CACNB2: variants seen among roughly 807,000 people sequenced by gnomAD.
CACNB2 encodes calcium voltage-gated channel auxiliary subunit beta 2.
CACNB2 carries 42 observed loss-of-function variants against 73.3 expected under a neutral mutation model. The observed-to-expected ratio is 0.57, with a 90% confidence interval of 0.45 to 0.74. The LOEUF is 0.74. Ranked by LOEUF, CACNB2 falls within the 30% of genes least tolerant of loss-of-function variation. The probability of loss-of-function intolerance (pLI) is 0.00; values close to 1 mark genes in which losing one functional copy is unlikely to be tolerated. For missense variants in CACNB2, 940 were observed against 853.0 expected (o/e 1.10, Z -1.27); for synonymous variants, 348 against 310.3 (o/e 1.12, Z -1.28).
At chr10:18,321,186 A>G (rs1589036067) in intron 2 of CACNB2, among the ~76,000 whole-genome samples, 1 of 152,194 alleles carries the variant, frequency 6.6e-6, no homozygotes, top group East Asian at 1.9e-4. Flanking sequence ...ATTTTCTCAG[A>G]TAAGTGGGAA....
At chr10:18,335,296 A>C (rs565760255) in intron 2 of CACNB2, among the ~76,000 whole-genome samples, 1 of 152,224 alleles carries the variant, frequency 6.6e-6, no homozygotes, top group South Asian at 2.1e-4. Flanking sequence ...TCACTTTCAC[A>C]GGGTGTGATG....
At chr10:18,504,149 A>G (rs899442264) in intron 5 of CACNB2, among the ~76,000 whole-genome samples, 18 of 152,208 alleles carry the variant, frequency 1.2e-4, no homozygotes, top group Admixed American at 7.9e-4. Flanking sequence ...TGCCTAGGCT[A>G]ACATTAGTGC....
chr10:18,356,524 G>T (rs1345034990), intron 2 of CACNB2, among the ~76,000 whole-genome samples: 2 of 152,020 alleles, frequency 1.3e-5, no homozygotes, highest in Non-Finnish European at 2.9e-5. Flanking sequence ...TGACTACATT[G>T]CACAAAGGAG....
At chr10:18,441,028 A>T (rs2046384782) in intron 3 of CACNB2, among the ~76,000 whole-genome samples, 1 of 152,214 alleles carries the variant, frequency 6.6e-6, no homozygotes, top group South Asian at 2.1e-4. Context: ...AAGCCATGGG[A>T]TTGGGAACCA....
intron 2 of CACNB2, among the ~76,000 whole-genome samples, chr10:18,240,157 G>A (rs1212722017): frequency 1.3e-5 from 2 of 152,184 alleles, no homozygotes; most frequent in African/African-American, 4.8e-5. Flanking sequence ...CAAAAACTAT[G>A]AGTATTCTGT....
intron 2 of CACNB2, among the ~76,000 whole-genome samples, chr10:18,251,460 C>T (rs1272585616): frequency 6.6e-6 from 1 of 152,114 alleles, no homozygotes; most frequent in Non-Finnish European, 1.5e-5. Flanking sequence ...GTTGGCCAGG[C>T]TGGTCTTGAA....
intron 3 of CACNB2, among the ~76,000 whole-genome samples, chr10:18,414,719 A>G (rs1376442358): frequency 1.3e-5 from 2 of 151,880 alleles, no homozygotes; most frequent in African/African-American, 4.8e-5. Context: ...ACTTCTGGCT[A>G]TTTTAAAACC....
intron 3 of CACNB2, among the ~76,000 whole-genome samples, chr10:18,423,706 G>A (rs1017924004): frequency 6.6e-6 from 1 of 152,068 alleles, no homozygotes; most frequent in Non-Finnish European, 1.5e-5. Flanking sequence ...GTAACATAAA[G>A]GACTCAAGCA....
chr10:18,148,790 T>A (rs1413417574), intron 1 of CACNB2, among the ~76,000 whole-genome samples: 2 of 151,648 alleles, frequency 1.3e-5, no homozygotes, highest in African/African-American at 4.9e-5. Context: ...AAGTCATGAG[T>A]TCAAGACCAG....
intron 2 of CACNB2, chr10:18,401,176 A>C: frequency 6.4e-7 from 1 of 1,558,358 alleles, no homozygotes; most frequent in Admixed American, 1.7e-5. Flanking sequence ...GAGTGCAGGT[A>C]GAGAGGGTGG....
At chr10:18,262,222 T>A (rs1165596351) in intron 2 of CACNB2, among the ~76,000 whole-genome samples, 2 of 150,554 alleles carry the variant, frequency 1.3e-5, no homozygotes, top group East Asian at 2.0e-4. Flanking sequence ...CCTTGGAAAA[T>A]TGGCCACAGA....
chr10:18,169,672 A>T (rs1275769427), intron 2 of CACNB2, among the ~76,000 whole-genome samples: 1 of 152,134 alleles, frequency 6.6e-6, no homozygotes, highest in African/African-American at 2.4e-5. Flanking sequence ...CTTTATTGGG[A>T]ACTCATACTT....
At chr10:18,492,524 G>A (rs545389041) in intron 3 of CACNB2, among the ~76,000 whole-genome samples, 57 of 149,398 alleles carry the variant, frequency 3.8e-4, no homozygotes, top group African/African-American at 1.4e-3. Flanking sequence ...GGGAGGCTGA[G>A]GCAAGAGAAT....
At chr10:18,518,823 A>C (rs1208707141) in intron 8 of CACNB2, 87 bp from the exon 9 acceptor site, 29 of 1,235,436 alleles carry the variant, frequency 2.3e-5, no homozygotes, top group Non-Finnish European at 3.3e-5. Flanking sequence ...TCAGGTTTTC[A>C]AGCATTCCTA....
chr10:18,302,383 A>G (rs958941262), intron 2 of CACNB2, among the ~76,000 whole-genome samples: 11 of 152,358 alleles, frequency 7.2e-5, no homozygotes, highest in Admixed American at 3.3e-4. Flanking sequence ...ACATTATACA[A>G]AATATACTTG....
chr10:18,289,053 GA>G (rs1394013868), intron 2 of CACNB2, among the ~76,000 whole-genome samples: 1 of 151,946 alleles, frequency 6.6e-6, no homozygotes, highest in African/African-American at 2.4e-5. Flanking sequence ...TCAAAACAAA[GA>G]AAAGTAAAGT....
chr10:18,291,044 A>G (rs1165678554), intron 2 of CACNB2, among the ~76,000 whole-genome samples: 1 of 152,196 alleles, frequency 6.6e-6, no homozygotes, highest in African/African-American at 2.4e-5. Flanking sequence ...CCAGCCTTTC[A>G]TGGAGCGGTT....
chr10:18,303,452 C>T (rs1185584680), intron 2 of CACNB2, among the ~76,000 whole-genome samples: 2 of 152,030 alleles, frequency 1.3e-5, no homozygotes, highest in Non-Finnish European at 2.9e-5. Flanking sequence ...CTGCAGTGAG[C>T]CATGATCACG....
At chr10:18,218,475 C>A (rs1473023989) in intron 2 of CACNB2, among the ~76,000 whole-genome samples, 1 of 152,106 alleles carries the variant, frequency 6.6e-6, no homozygotes, top group Non-Finnish European at 1.5e-5. Context: ...AAAATGGAGG[C>A]CCAGAGATCT....
Sources: allele counts gnomAD v4.1 joint callset (sites outside exome capture counted in the v4.1 genomes callset), GRCh38; gene constraint gnomAD v4.1.1; transcripts MANE v1.5; gene names NCBI Gene and HGNC (gene_info 2026-07-23, HGNC 2026-07-21).